NAT2: variants seen among roughly 807,000 people sequenced by gnomAD.
NAT2 encodes the protein N-acetyltransferase 2, also known as arylamine N-acetyltransferase 2.
For missense variants in NAT2, 428 were observed against 339.1 expected (o/e 1.26, Z -2.06); for synonymous variants, 137 against 125.9 (o/e 1.09, Z -0.59).
upstream of NAT2, among the ~76,000 whole-genome samples, chr8:18,389,665 C>T (rs530660471): frequency 4.6e-5 from 7 of 152,318 alleles, no homozygotes; most frequent in Admixed American, 1.3e-4. Context: ...AGAAAAAGTA[C>T]ATCTATGATC....
rs746734312 is a variant in NAT2 at position 18,400,250 on chromosome 8, G to T, written c.247G>T (p.Gly83Cys). ...TCTGTACTGGGCTCTGACCACAATCGGTTTTCAGACCACAATGTTAGGAGG... is the reference window on the plus strand; with the variant it reads ...TCTGTACTGGGCTCTGACCACAATCTGTTTTCAGACCACAATGTTAGGAGG... ...QLLYWALTTI[G>C]FQTTMLGGYF... The change falls in exon 2 of 2, where the codon GGT becomes TGT. Residue 83 changes from glycine (G) to cysteine (C), a missense_variant. Gly to Cys is a radical substitution (Grantham distance 159). Coordinates refer to ENST00000286479, the MANE Select transcript of NAT2 (RefSeq NM_000015.3). 1.9e-6 allele frequency: 3 copies of T among 1,612,268 alleles called. No homozygotes were observed. The African/African-American group carries it at 4.0e-5, about 22-fold the overall frequency.
upstream of NAT2, among the ~76,000 whole-genome samples, chr8:18,389,624 T>C (rs1045553520): frequency 4.6e-5 from 7 of 152,344 alleles, no homozygotes; most frequent in Middle Eastern, 3.4e-3. Flanking sequence ...AATTCTTCTA[T>C]ACAAGAGGAC....
chr8:18,389,673 A>C (rs1328297182), upstream of NAT2, among the ~76,000 whole-genome samples: 1 of 152,198 alleles, frequency 6.6e-6, no homozygotes, highest in Admixed American at 6.5e-5. Context: ...TACATCTATG[A>C]TCTGCCCCTC....
chr8:18,399,450 C>A (rs1800749608), intron 1 of NAT2, among the ~76,000 whole-genome samples: 1 of 152,112 alleles, frequency 6.6e-6, no homozygotes, highest in African/African-American at 2.4e-5. Context: ...AGTACTAGAA[C>A]AATAGGAAAC....
chr8:18,395,494 T>C (rs1274887192), intron 1 of NAT2, among the ~76,000 whole-genome samples: 2 of 152,162 alleles, frequency 1.3e-5, no homozygotes, highest in Non-Finnish European at 2.9e-5. Context: ...ACAAATAAAG[T>C]TGAACACCAT....
chr8:18,399,284 A>C (rs1800747521), intron 1 of NAT2, among the ~76,000 whole-genome samples: 1 of 152,116 alleles, frequency 6.6e-6, no homozygotes, highest in Non-Finnish European at 1.5e-5. Context: ...ACCTTGTTTG[A>C]ATTCAGTGCT....
chr8:18,388,145 C>T (rs1441165801), upstream of NAT2, among the ~76,000 whole-genome samples: 2 of 152,180 alleles, frequency 1.3e-5, no homozygotes, highest in Non-Finnish European at 2.9e-5. Flanking sequence ...AGTGTGAAGA[C>T]CTTCTGAGAC....
chr8:18,391,994 T>C (rs1800598482), intron 1 of NAT2, among the ~76,000 whole-genome samples: 1 of 152,232 alleles, frequency 6.6e-6, no homozygotes, highest in African/African-American at 2.4e-5. Flanking sequence ...AATCACAAAA[T>C]CTTTGAATCC....
intron 1 of NAT2, among the ~76,000 whole-genome samples, chr8:18,394,733 T>C (rs1486446954): frequency 4.6e-5 from 7 of 152,214 alleles, no homozygotes; most frequent in Non-Finnish European, 4.4e-5. Context: ...AGGGCTATTA[T>C]CAGCTTTATA....
At chr8:18,388,957 G>T (rs959488537), upstream of NAT2, among the ~76,000 whole-genome samples, 2 of 152,120 alleles carry the variant, frequency 1.3e-5, no homozygotes, top group Non-Finnish European at 2.9e-5. Context: ...AGGCTGTAGG[G>T]TATTCTCAAG....
intron 1 of NAT2, among the ~76,000 whole-genome samples, chr8:18,392,587 C>T (rs10098058): frequency 0.027 from 4,064 of 152,298 alleles, 75 homozygotes; most frequent in African/African-American, 0.054. Flanking sequence ...CTCCCTTTCT[C>T]AGTCCACTGA....
chr8:18,388,504 CAA>C (rs11390514), upstream of NAT2, among the ~76,000 whole-genome samples: 282 of 78,456 alleles, frequency 3.6e-3, 1 homozygote, highest in African/African-American at 0.013. Context: ...AGATAATAAG[CAA>C]AAAAAAAAAA....
Position 18,400,604 on chromosome 8 carries a change from G to T in NAT2, c.601G>T (p.Asp201Tyr), listed in dbSNP as rs750343726. 14 of 1,613,504 alleles carry T rather than the reference G, an allele frequency of 8.7e-6. No individual in the cohort carries two copies. The highest frequency in any genetic ancestry group is 1.2e-5 in the Non-Finnish European group (14 of 1,179,918). ...TACGCTTGAACCTCGAACAATTGAA[G>T]ATTTTGAGTCTATGAATACATACCT... ...LFTLEPRTIE[D>Y]FESMNTYLQT... Residue 201 changes from aspartate (D) to tyrosine (Y), a missense_variant, in exon 2 of 2, where the codon GAT becomes TAT. Physicochemically the swap from Asp to Tyr is radical, Grantham distance 160. Coordinates refer to ENST00000286479, the MANE Select transcript of NAT2 (RefSeq NM_000015.3).
intron 1 of NAT2, among the ~76,000 whole-genome samples, chr8:18,398,905 A>G (rs1253540929): frequency 1.3e-5 from 2 of 152,178 alleles, no homozygotes; most frequent in Non-Finnish European, 2.9e-5. Flanking sequence ...ATAGAGCTCA[A>G]TATGGGCAGC....
chr8:18,388,348 A>G (rs943383590), upstream of NAT2, among the ~76,000 whole-genome samples: 1 of 152,154 alleles, frequency 6.6e-6, no homozygotes, highest in African/African-American at 2.4e-5. Flanking sequence ...TCAGGACAGC[A>G]CTTTGCTGTG....
rs760627448 is a variant in NAT2, at chr8:18,400,065, T to A, written c.62T>A (p.Leu21Ter). 7 of 1,613,038 alleles carry A rather than the reference T, an allele frequency of 4.3e-6. No homozygotes were observed. In the East Asian group the frequency reaches 1.3e-4, roughly 31 times the overall value. The change falls in exon 2 of 2, where the codon TTG (leucine) becomes TAG (stop). Residue 21 changes from leucine to a stop codon, truncating the protein, a stop_gained. Transcript: ENST00000286479. LOFTEE classifies it low-confidence loss of function (END_TRUNC). ...GYKNSRNKLD[L>*]ETLTDILEHQ... Reference sequence around the variant, plus strand: ...AAGAACTCTAGGAACAAATTGGACTTGGAAACATTAACTGACATTCTTGAG... The same window carrying A: ...AAGAACTCTAGGAACAAATTGGACTAGGAAACATTAACTGACATTCTTGAG...
upstream of NAT2, among the ~76,000 whole-genome samples, chr8:18,390,290 A>C (rs1800572061): frequency 6.6e-6 from 1 of 152,200 alleles, no homozygotes; most frequent in Non-Finnish European, 1.5e-5. Context: ...TGCACATCTC[A>C]CTCATATGTG....
chr8:18,387,828 T>G (rs1269858347), upstream of NAT2: 2 of 152,488 alleles, frequency 1.3e-5, no homozygotes, highest in African/African-American at 4.8e-5. Flanking sequence ...AGGCCTTTGA[T>G]GAGGTCGCTA....
rs140579383 is a variant in NAT2 at position 18,394,707 on chromosome 8, G to C, written c.-7+3362G>C. On this transcript the variant is annotated intron_variant, in intron 1 of 1. Transcript: ENST00000286479. Reference sequence around the variant, plus strand: ...AAGGAACTGCATAGACAAGCTGTGAGGCCAGTTTTATCCACAGGGCTATTA... The same window carrying C: ...AAGGAACTGCATAGACAAGCTGTGACGCCAGTTTTATCCACAGGGCTATTA... Among the ~76,000 whole-genome samples the C allele has an allele frequency of 2.0e-5, 3 of 152,112 alleles. No individual in the cohort carries two copies. The South Asian group carries it at 6.2e-4, about 31-fold the overall frequency.
Sources: allele counts gnomAD v4.1 joint callset (sites outside exome capture counted in the v4.1 genomes callset), GRCh38; gene constraint gnomAD v4.1.1; transcripts MANE v1.5; gene names NCBI Gene and HGNC (gene_info 2026-07-23, HGNC 2026-07-21).